SPOCK1: variants seen among roughly 807,000 people sequenced by gnomAD.
SPOCK1 encodes SPARC (osteonectin), cwcv and kazal like domains proteoglycan 1.
Under a neutral mutation model 55.3 loss-of-function variants are expected in SPOCK1, and 23 were observed. That is an observed-to-expected ratio of 0.42 (90% CI 0.30 to 0.59). SPOCK1 has a LOEUF of 0.59. Among genes scored for constraint, SPOCK1 ranks in the 20% least tolerant of loss-of-function variants. The pLI is 0.22. For missense variants in SPOCK1, 499 were observed against 552.5 expected, an observed-to-expected ratio of 0.90 and a Z score of 0.97; for synonymous variants, 226 against 221.0, an observed-to-expected ratio of 1.02 and a Z score of -0.20.
At chr5:137,281,793 A>G (rs1757169782) in intron 2 of SPOCK1, among the ~76,000 whole-genome samples, 1 of 152,120 alleles carries the variant, frequency 6.6e-6, no homozygotes, top group African/African-American at 2.4e-5. Flanking sequence ...TGGGAACAAT[A>G]CCGTGTGGGT....
intron 4 of SPOCK1, among the ~76,000 whole-genome samples, chr5:137,127,446 A>C (rs1243203119): frequency 6.6e-6 from 1 of 152,264 alleles, no homozygotes; most frequent in Non-Finnish European, 1.5e-5. Context: ...AAACCCTGCT[A>C]GGCAAAGCCG....
At chr5:137,289,183 TTAGC>T (rs758969178) in intron 2 of SPOCK1, among the ~76,000 whole-genome samples, 4 of 152,242 alleles carry the variant, frequency 2.6e-5, no homozygotes, top group African/African-American at 9.6e-5. Context: ...TGTAATGTGC[TTAGC>T]TAAAGGACTG....
Position 137,388,859 on chromosome 5 carries a change from G to A in SPOCK1, c.186+109514C>T, listed in dbSNP as rs142020127. ...AAAGAAAATCTATCTGAGGGATCTT[G>A]CCAACACTCACAGCTGTGACACTGA... On this transcript the variant is annotated intron_variant, in intron 2 of 10. Transcript: ENST00000394945. 7.7e-4 allele frequency among the ~76,000 whole-genome samples: 117 copies of A among 152,304 alleles called. 1 individual carries two copies. The highest frequency in any genetic ancestry group is 2.5e-3 in the African/African-American group (102 of 41,574).
At chr5:137,456,257 C>T (rs548424178) in intron 2 of SPOCK1, among the ~76,000 whole-genome samples, 42 of 152,138 alleles carry the variant, frequency 2.8e-4, no homozygotes, top group Non-Finnish European at 5.3e-4. Context: ...GATTCCTGCT[C>T]GATCCAGTGC....
chr5:137,013,241 T>C (rs867095904), intron 6 of SPOCK1, among the ~76,000 whole-genome samples: 1 of 113,708 alleles, frequency 8.8e-6, no homozygotes, highest in South Asian at 3.5e-4. Flanking sequence ...TTTTGTTTTG[T>C]TTTTTGGCCT....
intron 2 of SPOCK1, among the ~76,000 whole-genome samples, chr5:137,455,550 G>A (rs1753346706): frequency 6.6e-6 from 1 of 152,198 alleles, no homozygotes; most frequent in African/African-American, 2.4e-5. Flanking sequence ...CAAAGTCATA[G>A]CCCTGAGATG....
At chr5:137,155,125 TGTTA>T (rs1345291708) in intron 3 of SPOCK1, among the ~76,000 whole-genome samples, 2 of 152,176 alleles carry the variant, frequency 1.3e-5, no homozygotes, top group African/African-American at 4.8e-5. Context: ...CCTCGGTAAG[TGTTA>T]GTTTCAACTC....
intron 5 of SPOCK1, among the ~76,000 whole-genome samples, chr5:137,073,894 A>ACC: frequency 1.3e-5 from 2 of 152,276 alleles, no homozygotes; most frequent in Admixed American, 1.3e-4. Flanking sequence ...GAAAATGCAC[A>ACC]CTTTCAATAA....
At chr5:137,354,843 G>A (rs1365233432) in intron 2 of SPOCK1, among the ~76,000 whole-genome samples, 1 of 152,116 alleles carries the variant, frequency 6.6e-6, no homozygotes, top group Non-Finnish European at 1.5e-5. Flanking sequence ...TGAAAAACCT[G>A]CTTTCAGGTA....
chr5:137,232,844 C>A (rs1756093115), intron 3 of SPOCK1, among the ~76,000 whole-genome samples: 1 of 152,188 alleles, frequency 6.6e-6, no homozygotes, highest in Admixed American at 6.5e-5. Context: ...TCATTCAGGT[C>A]TTCTTTGATT....
At chr5:137,039,309 C>T (rs895985902) in intron 6 of SPOCK1, among the ~76,000 whole-genome samples, 15 of 103,190 alleles carry the variant, frequency 1.5e-4, no homozygotes, top group Admixed American at 3.8e-4. Context: ...GTTGTTGCAA[C>T]GGGGACATTC....
At chr5:137,408,908 C>G (rs924683778) in intron 2 of SPOCK1, among the ~76,000 whole-genome samples, 2 of 152,184 alleles carry the variant, frequency 1.3e-5, no homozygotes, top group Admixed American at 6.5e-5. Context: ...GGGAGGATAA[C>G]TCCACTTTCC....
chr5:136,999,151 A>C lies in SPOCK1; in HGVS notation c.590-6551T>G, dbSNP rs151323578. 2.0e-4 allele frequency among the ~76,000 whole-genome samples: 30 copies of C among 152,284 alleles called. No individual in the cohort carries two copies. The East Asian group carries it at 5.8e-3, about 29-fold the overall frequency. The stretch of plus-strand genomic sequence containing the variant: ...GCTTGGAGTGCAGCATGAGGAACGC[A>C]GCTGATGGGAGGGAGAAGGAGGCAT... On this transcript the variant is annotated intron_variant, in intron 6 of 10. Transcript: ENST00000394945.
At chr5:137,079,543 C>CGG (rs572128078) in intron 5 of SPOCK1, among the ~76,000 whole-genome samples, 1 of 147,836 alleles carries the variant, frequency 6.8e-6, no homozygotes, top group Admixed American at 6.7e-5. Context: ...TCCCCCCCCC[C>CGG]CCGACTTAGT....
At position 137,140,818 on chromosome 5, in the gene SPOCK1, G is replaced by A. The variant is rs1467341800; in HGVS notation, c.233-124C>T. Reference sequence around the variant, plus strand: ...GTGTTGCCCAGACTGGTGTGCGGTGGCGCGATCTCAGCTCACTGCAACCTC... The same window carrying A: ...GTGTTGCCCAGACTGGTGTGCGGTGACGCGATCTCAGCTCACTGCAACCTC... On this transcript the variant is annotated intron_variant, in intron 3 of 10. Transcript: ENST00000394945. 1.7e-5 allele frequency: 10 copies of A among 572,368 alleles called. 1 individual carries two copies. The South Asian group carries it at 2.7e-4, about 15-fold the overall frequency. The allele number at this position is 572,368 out of a possible 1,614,324, so 35.5% of individuals were successfully genotyped here. A position where few individuals can be genotyped will look rare whatever the true frequency, so the allele number is the denominator to read the frequency against.
Position 137,245,787 on chromosome 5 carries a change from C to A in SPOCK1, c.232+21223G>T, listed in dbSNP as rs3043242. Among the ~76,000 whole-genome samples, 637 of 111,554 alleles carry A rather than the reference C, an allele frequency of 5.7e-3. 4 individuals carry two copies. The highest frequency in any genetic ancestry group is 0.013 in the African/African-American group (469 of 34,838). The allele number at this position is 111,554 out of a possible 152,430, so 73.2% of individuals were successfully genotyped here. A position where few individuals can be genotyped will look rare whatever the true frequency, so the allele number is the denominator to read the frequency against. On this transcript the variant is annotated intron_variant, in intron 3 of 10. Coordinates refer to ENST00000394945, the MANE Select transcript of SPOCK1 (RefSeq NM_004598.4). ...AAAACAAAACAAAACAAAAAAAAAA[C>A]AAAAAAAAAAACTGTCTTGAGATAT...
intron 2 of SPOCK1, among the ~76,000 whole-genome samples, chr5:137,333,952 T>G (rs991360058): frequency 6.6e-6 from 1 of 152,124 alleles, no homozygotes; most frequent in Non-Finnish European, 1.5e-5. Flanking sequence ...ATAAACATCA[T>G]GTCCAATGCA....
In SPOCK1 at chr5:137,157,676, C is replaced by A. The variant is rs549259048; in HGVS notation, c.233-16982G>T. Reference sequence around the variant, plus strand: ...CTTGGTCCCAATCCCATTCCCCAGGCACTAACCTCTGAAATGATATGAATG... The same window carrying A: ...CTTGGTCCCAATCCCATTCCCCAGGAACTAACCTCTGAAATGATATGAATG... On this transcript the variant is annotated intron_variant, in intron 3 of 10. Transcript: ENST00000394945. Among the ~76,000 whole-genome samples, 4 of 152,314 alleles carry A rather than the reference C, an allele frequency of 2.6e-5. No homozygotes were observed. In the South Asian group the frequency reaches 8.3e-4, roughly 32 times the overall value.
chr5:137,052,474 T>C (rs1309492499), intron 6 of SPOCK1, among the ~76,000 whole-genome samples: 1 of 152,212 alleles, frequency 6.6e-6, no homozygotes, highest in Non-Finnish European at 1.5e-5. Context: ...TTTCTGCTAG[T>C]ATGTAACAGA....
Sources: gnomAD v4.1 joint callset for allele counts (sites outside exome capture counted in the v4.1 genomes callset) on GRCh38, gnomAD v4.1.1 for gene constraint, MANE v1.5 for transcripts, NCBI Gene and HGNC (gene_info 2026-07-23, HGNC 2026-07-21) for gene names.